The following CACNA1D variants were observed in gnomAD, a reference collection of about 807,000 sequenced individuals.
CACNA1D encodes voltage-dependent L-type calcium channel subunit alpha-1D.
A neutral mutation model predicts 257.1 loss-of-function variants in CACNA1D; 55 were observed. The observed-to-expected ratio is 0.21, with a 90% confidence interval of 0.17 to 0.27. The LOEUF is 0.27. CACNA1D is among the 10% of genes least tolerant of loss of function. CACNA1D has a pLI of 1.00. For missense variants in CACNA1D, 1,876 were observed against 2,784.0 expected, an observed-to-expected ratio of 0.67 and a Z score of 7.34; for synonymous variants, 980 against 1,014.9, an observed-to-expected ratio of 0.97 and a Z score of 0.65.
chr3:53,665,738 T>C lies in CACNA1D; in HGVS notation c.845T>C (p.Ile282Thr). Reference sequence around the variant, plus strand: ...ATAGCCCTTTTGGTATTATTTGTAATCATAATCTATGCTATTATAGGATTG... The same window carrying C: ...ATAGCCCTTTTGGTATTATTTGTAACCATAATCTATGCTATTATAGGATTG... ...LHIALLVLFVIIIYAIIGLEL... is the reference protein window; with the variant it reads ...LHIALLVLFVTIIYAIIGLEL... Residue 282 changes from isoleucine (I) to threonine (T), a missense_variant, in exon 6 of 48, where the codon ATC becomes ACC. Around this residue, in one of 10 missense-constraint regions of CACNA1D, gnomAD observed 188 missense variants for 390.4 expected, o/e 0.48. Transcript: ENST00000350061. 1 of 1,606,674 alleles carries C rather than the reference T, an allele frequency of 6.2e-7. No individual in the cohort carries two copies. Among genetic ancestry groups the C allele is most frequent in the Non-Finnish European group, 8.5e-7 (1 of 1,173,388 alleles).
chr3:53,728,353 G>A (rs1036523725), intron 15 of CACNA1D, among the ~76,000 whole-genome samples: 3 of 152,036 alleles, frequency 2.0e-5, no homozygotes, highest in Non-Finnish European at 2.9e-5. Flanking sequence ...TAACCAGGCC[G>A]GTCTAAAACT....
At chr3:53,722,203 C>T in intron 11 of CACNA1D, 111 bp from the exon 12 acceptor site, 1 of 1,077,516 alleles carries the variant, frequency 9.3e-7, no homozygotes, top group Non-Finnish European at 1.4e-6. Context: ...CCTGCACTCC[C>T]ACCCCAATCT....
chr3:53,523,751 G>A (rs1238550897), intron 3 of CACNA1D, among the ~76,000 whole-genome samples: 1 of 152,220 alleles, frequency 6.6e-6, no homozygotes, highest in Non-Finnish European at 1.5e-5. Context: ...TTCAATTACG[G>A]CAAGATCACC....
intron 3 of CACNA1D, among the ~76,000 whole-genome samples, chr3:53,531,583 C>T (rs1434301537): frequency 6.6e-6 from 1 of 152,192 alleles, no homozygotes; most frequent in Non-Finnish European, 1.5e-5. Context: ...ATTGACCCCC[C>T]TGGACTATTG....
intron 40 of CACNA1D, among the ~76,000 whole-genome samples, chr3:53,787,578 G>A (rs1290894952): frequency 6.6e-6 from 1 of 152,036 alleles, no homozygotes; most frequent in Non-Finnish European, 1.5e-5. Context: ...CTCCACCTGG[G>A]CCCTGCTGCA....
At chr3:53,535,666 G>A (rs1575786105) in intron 3 of CACNA1D, among the ~76,000 whole-genome samples, 2 of 152,188 alleles carry the variant, frequency 1.3e-5, no homozygotes, top group East Asian at 3.8e-4. Flanking sequence ...AGACTAGTGG[G>A]AAGTAGACTA....
At chr3:53,709,790 C>G (rs1378142721) in intron 9 of CACNA1D, among the ~76,000 whole-genome samples, 1 of 152,192 alleles carries the variant, frequency 6.6e-6, no homozygotes, top group Non-Finnish European at 1.5e-5. Context: ...TGTGCCTTGC[C>G]AAAGCTGGGC....
At chr3:53,614,264 T>C (rs988927400) in intron 3 of CACNA1D, among the ~76,000 whole-genome samples, 18 of 152,034 alleles carry the variant, frequency 1.2e-4, no homozygotes, top group African/African-American at 4.1e-4. Flanking sequence ...GGCATAGAAA[T>C]TGTTTTTGTG....
chr3:53,776,485 A>C (rs2095397926), intron 35 of CACNA1D, 118 bp from the exon 36 acceptor site: 2 of 1,234,122 alleles, frequency 1.6e-6, no homozygotes, highest in Non-Finnish European at 2.3e-6. Context: ...AGTTTTTACA[A>C]CTTCTCTTGG....
intron 3 of CACNA1D, among the ~76,000 whole-genome samples, chr3:53,643,531 T>C (rs71301844): frequency 0.083 from 12,627 of 152,174 alleles, 618 homozygotes; most frequent in African/African-American, 0.088. Context: ...CTCTCGGTTC[T>C]TGCTGTTCTT....
intron 8 of CACNA1D, among the ~76,000 whole-genome samples, chr3:53,685,864 C>G (rs2094469674): frequency 6.6e-6 from 1 of 151,794 alleles, no homozygotes; most frequent in South Asian, 2.1e-4. Flanking sequence ...TTTCCATCTA[C>G]TAATCTAGAA....
chr3:53,714,512 C>T (rs565194377), intron 9 of CACNA1D, among the ~76,000 whole-genome samples: 1 of 152,274 alleles, frequency 6.6e-6, no homozygotes, highest in Admixed American at 6.5e-5. Flanking sequence ...TTTGTGCTGT[C>T]GTCGGTCACT....
At chr3:53,755,209 GGAACA>G (rs1215989565) in intron 29 of CACNA1D, among the ~76,000 whole-genome samples, 2 of 152,178 alleles carry the variant, frequency 1.3e-5, no homozygotes, top group Non-Finnish European at 2.9e-5. Flanking sequence ...ACCTCTCTGT[GGAACA>G]TTTCCCAGAT....
intron 3 of CACNA1D, among the ~76,000 whole-genome samples, chr3:53,629,677 C>A (rs747521941): frequency 5.9e-5 from 9 of 152,288 alleles, no homozygotes; most frequent in Non-Finnish European, 1.2e-4. Flanking sequence ...TTTCTCCCCC[C>A]AGCACACAAT....
rs769400033 is a variant in CACNA1D, at chr3:53,770,443, G to C, written c.3935G>C (p.Arg1312Thr). 2 of 1,613,970 alleles carry C rather than the reference G, an allele frequency of 1.2e-6. No individual in the cohort carries two copies. Among genetic ancestry groups the C allele is most frequent in the South Asian group, 1.1e-5 (1 of 91,070 alleles). ...CTTCAGAACTCTGAAGAGAGCAATA[G>C]AATCTCCATCACCTTTTTCCGTCTT... is the stretch of plus-strand genomic sequence containing the variant. ...ATPGNSEESN[R>T]ISITFFRLFR... The change falls in exon 32 of 48, where the codon AGA becomes ACA. Residue 1312 changes from arginine (R) to threonine (T), a missense_variant. Physicochemically the swap from Arg to Thr is moderately conservative, Grantham distance 71. This residue lies in a region of CACNA1D where 204 missense variants were observed against 309.4 expected (regional missense o/e 0.66). Coordinates refer to ENST00000350061, the MANE Select transcript of CACNA1D (RefSeq NM_001128840.3).
rs532214741 is a variant in CACNA1D, at chr3:53,772,208, T to C, written c.4045-625T>C. Among the ~76,000 whole-genome samples the C allele has an allele frequency of 1.3e-4, 20 of 152,272 alleles. No homozygotes were observed. The South Asian group carries it at 4.1e-3, about 32-fold the overall frequency. On this transcript the variant is annotated intron_variant, in intron 32 of 47. Transcript: ENST00000350061. ...GCGACCCCCCAGCTCACTCCTTTTC[T>C]TCCCTGGCCCAGCCCCCCAACTTAG...
At chr3:53,750,468 A>G (rs2095215465) in intron 27 of CACNA1D, among the ~76,000 whole-genome samples, 1 of 152,292 alleles carries the variant, frequency 6.6e-6, no homozygotes, top group South Asian at 2.1e-4. Context: ...CCTCAGAGGA[A>G]GTGGCCCAGG....
intron 19 of CACNA1D, among the ~76,000 whole-genome samples, chr3:53,733,950 G>GTA (rs1180449401): frequency 1.4e-5 from 2 of 144,084 alleles, no homozygotes; most frequent in Non-Finnish European, 3.0e-5. Context: ...GTGTGTGTGT[G>GTA]TGTATGTATG....
chr3:53,606,102 A>T (rs1236926289), intron 3 of CACNA1D, among the ~76,000 whole-genome samples: 3 of 152,264 alleles, frequency 2.0e-5, no homozygotes, highest in African/African-American at 7.2e-5. Context: ...CTGTGTCAAC[A>T]GACTGGACCC....
Sources: allele counts gnomAD v4.1 joint callset (sites outside exome capture counted in the v4.1 genomes callset), GRCh38; gene constraint gnomAD v4.1.1; regional missense constraint gnomAD v4.1.1; transcripts MANE v1.5; gene names NCBI Gene and HGNC (gene_info 2026-07-23, HGNC 2026-07-21).